CTNNA2: variants seen among roughly 807,000 people sequenced by gnomAD.
CTNNA2 encodes the protein catenin alpha 2.
In CTNNA2, 42 loss-of-function variants were observed where a neutral mutation model predicts 101.0. The ratio of observed to expected loss-of-function variants is 0.42; its 90% CI spans 0.32 to 0.54. The LOEUF (loss-of-function observed/expected upper bound fraction) is 0.54, where lower values mean the gene tolerates loss of function less well. Ranked by LOEUF, CTNNA2 falls within the 20% of genes least tolerant of loss-of-function variation. The pLI, the probability that CTNNA2 is intolerant of heterozygous loss-of-function variation, is 0.14. For synonymous variants in CTNNA2, 450 were observed against 456.4 expected (o/e 0.99, Z 0.18); for missense variants, 871 against 1,223.1 (o/e 0.71, Z 4.29).
Position 79,760,967 on chromosome 2 carries a change from C to T in CTNNA2, c.298+16385C>T, listed in dbSNP as rs1313689508. Among the ~76,000 whole-genome samples the T allele has an allele frequency of 4.6e-5, 7 of 151,944 alleles. No individual in the cohort carries two copies. In the East Asian group the frequency reaches 5.8e-4, roughly 13 times the overall value. On this transcript the variant is annotated intron_variant, in intron 3 of 18. Transcript: ENST00000402739. ...GCCAAAAGCCAAATATATGGCATGG[C>T]GCAAGTCAGCCTTTATGTGCCACAA...
intron 7 of CTNNA2, among the ~76,000 whole-genome samples, chr2:80,081,625 G>A (rs1033816723): frequency 6.6e-6 from 1 of 151,864 alleles, no homozygotes; most frequent in African/African-American, 2.4e-5. Flanking sequence ...TTGGCCTGGA[G>A]AAACTTTATT....
intron 4 of CTNNA2, among the ~76,000 whole-genome samples, chr2:79,392,169 A>G (rs1472664532): frequency 2.6e-5 from 4 of 152,182 alleles, no homozygotes; most frequent in African/African-American, 9.7e-5. Context: ...CACTTGCCCA[A>G]TGAATGAGAG....
intron 3 of CTNNA2, among the ~76,000 whole-genome samples, chr2:79,767,489 C>A (rs1157836223): frequency 1.3e-5 from 2 of 152,044 alleles, no homozygotes; most frequent in African/African-American, 4.8e-5. Context: ...ACCCATCCTT[C>A]TTGGGAAGGC....
intron 7 of CTNNA2, among the ~76,000 whole-genome samples, chr2:80,174,990 T>A (rs901218154): frequency 2.6e-5 from 4 of 152,220 alleles, no homozygotes; most frequent in Non-Finnish European, 2.9e-5. Flanking sequence ...TATTTTTCAA[T>A]GTTTCTTCAT....
chr2:80,436,024 G>A (rs541628421), intron 9 of CTNNA2, among the ~76,000 whole-genome samples: 14 of 152,250 alleles, frequency 9.2e-5, no homozygotes, highest in African/African-American at 3.4e-4. Context: ...TAAGAATGCA[G>A]GATATTTCTA....
intron 7 of CTNNA2, among the ~76,000 whole-genome samples, chr2:80,071,894 G>T (rs976573352): frequency 6.6e-6 from 1 of 152,182 alleles, no homozygotes; most frequent in Non-Finnish European, 1.5e-5. Context: ...ACTTGCAAAT[G>T]AAAATAGTAA....
chr2:79,234,516 G>A (rs185861134), intron 2 of CTNNA2, among the ~76,000 whole-genome samples: 1 of 152,020 alleles, frequency 6.6e-6, no homozygotes, highest in East Asian at 1.9e-4. Context: ...TGTGCCTTGG[G>A]GGTGGTCATT....
chr2:79,487,140 G>A (rs1671166349), intron 4 of CTNNA2, among the ~76,000 whole-genome samples: 2 of 152,036 alleles, frequency 1.3e-5, no homozygotes, highest in Admixed American at 6.6e-5. Flanking sequence ...TCTTAACTTT[G>A]GAAATTTCAT....
At chr2:80,445,575 A>G (rs543333032) in intron 9 of CTNNA2, among the ~76,000 whole-genome samples, 5 of 152,330 alleles carry the variant, frequency 3.3e-5, no homozygotes, top group African/African-American at 7.2e-5. Context: ...CAAGGGGAAC[A>G]TAGTAAAATG....
chr2:79,862,636 C>G (rs944837097), intron 4 of CTNNA2, among the ~76,000 whole-genome samples: 12 of 152,152 alleles, frequency 7.9e-5, no homozygotes, highest in African/African-American at 2.9e-4. Flanking sequence ...CAGTTATACA[C>G]TTAAGAACTA....
intron 9 of CTNNA2, among the ~76,000 whole-genome samples, chr2:80,514,435 C>T (rs1001500121): frequency 1.3e-5 from 2 of 152,118 alleles, no homozygotes; most frequent in Admixed American, 6.5e-5. Context: ...GTGTGGTGGC[C>T]GCCTTCTACC....
At chr2:80,386,051 T>G (rs1676965025) in intron 7 of CTNNA2, among the ~76,000 whole-genome samples, 1 of 152,200 alleles carries the variant, frequency 6.6e-6, no homozygotes. Flanking sequence ...TTGCGCATTG[T>G]CCAAGGCATA....
chr2:80,087,528 T>G (rs1573035666), intron 7 of CTNNA2, among the ~76,000 whole-genome samples: 2 of 152,018 alleles, frequency 1.3e-5, no homozygotes, highest in Non-Finnish European at 2.9e-5. Flanking sequence ...TTTTTATGTT[T>G]CCCTCTATTT....
At chr2:80,644,958 C>T (rs963434942) in intron 18 of CTNNA2, among the ~76,000 whole-genome samples, 4 of 152,168 alleles carry the variant, frequency 2.6e-5, no homozygotes, top group African/African-American at 9.7e-5. Context: ...TAAACACCAT[C>T]TATTTGAAAA....
chr2:80,553,937 A>G (rs1692800491), intron 11 of CTNNA2, among the ~76,000 whole-genome samples: 4 of 152,198 alleles, frequency 2.6e-5, no homozygotes. Flanking sequence ...TGATTTGGGA[A>G]GTACTACTTT....
At chr2:80,038,094 T>G (rs2104247826) in intron 7 of CTNNA2, among the ~76,000 whole-genome samples, 1 of 152,238 alleles carries the variant, frequency 6.6e-6, no homozygotes, top group South Asian at 2.1e-4. Flanking sequence ...CCTGATTCTC[T>G]CATGGACTTA....
chr2:80,282,679 ATATG>A (rs1279979473), intron 7 of CTNNA2, among the ~76,000 whole-genome samples: 1 of 152,158 alleles, frequency 6.6e-6, no homozygotes, highest in East Asian at 1.9e-4. Context: ...TACTTTTAAA[ATATG>A]TATGTGTTTA....
At chr2:79,643,803 G>A (rs1466565210) in intron 1 of CTNNA2, among the ~76,000 whole-genome samples, 1 of 152,008 alleles carries the variant, frequency 6.6e-6, no homozygotes, top group African/African-American at 2.4e-5. Flanking sequence ...AGGTGGTTGT[G>A]GAACTGAGAC....
intron 6 of CTNNA2, among the ~76,000 whole-genome samples, chr2:79,893,391 T>C (rs562444015): frequency 2.6e-5 from 4 of 152,294 alleles, no homozygotes; most frequent in African/African-American, 9.6e-5. Flanking sequence ...CTGCTGGTTC[T>C]TGTGAGGTTT....
Sources: gnomAD v4.1 joint callset for allele counts (sites outside exome capture counted in the v4.1 genomes callset) on GRCh38, gnomAD v4.1.1 for gene constraint, MANE v1.5 for transcripts, NCBI Gene and HGNC (gene_info 2026-07-23, HGNC 2026-07-21) for gene names.